Variants in TMEM131 observed in about 807,000 individuals in gnomAD.
TMEM131 encodes 2610524E03Rik.
A neutral mutation model predicts 211.6 loss-of-function variants in TMEM131; 66 were observed. That is an observed-to-expected ratio of 0.31 (90% CI 0.26 to 0.38). The LOEUF is 0.38. TMEM131 is among the 10% of genes least tolerant of loss of function. TMEM131 has a pLI of 1.00. For missense variants in TMEM131, 2,036 were observed against 2,299.3 expected (o/e 0.89, Z 2.34); for synonymous variants, 844 against 841.3 (o/e 1.00, Z -0.06).
chr2:97,793,981 G>A (rs201935903), intron 29 of TMEM131, among the ~76,000 whole-genome samples: 62 of 95,078 alleles, frequency 6.5e-4, no homozygotes, highest in South Asian at 2.6e-3. Flanking sequence ...GCAACAGAGC[G>A]AGACTCTGTC....
intron 7 of TMEM131, among the ~76,000 whole-genome samples, chr2:97,838,905 TTAA>T (rs762252553): frequency 6.6e-6 from 1 of 152,232 alleles, no homozygotes; most frequent in Non-Finnish European, 1.5e-5. Context: ...GCTTATTGTG[TTAA>T]TAATAATAGC....
intron 4 of TMEM131, among the ~76,000 whole-genome samples, chr2:97,885,138 T>C (rs920729068): frequency 6.6e-6 from 1 of 152,262 alleles, no homozygotes; most frequent in Admixed American, 6.5e-5. Flanking sequence ...AAGAGTCCCT[T>C]AAGCATTTCT....
chr2:97,796,821 T>G, intron 27 of TMEM131, 23 bp downstream of exon 27: 1 of 1,605,460 alleles, frequency 6.2e-7, no homozygotes, highest in African/African-American at 1.3e-5. Flanking sequence ...ATTAGTGTCC[T>G]TGAAACTGTT....
chr2:97,816,618 T>A (rs1331717309), intron 12 of TMEM131, among the ~76,000 whole-genome samples: 3 of 152,194 alleles, frequency 2.0e-5, no homozygotes, highest in Admixed American at 6.5e-5. Context: ...CTTTCCATTT[T>A]AAAAATTCCC....
Position 97,995,819 on chromosome 2 carries a change from C to T in TMEM131, c.-157G>A. The T allele has an allele frequency of 2.9e-6, 1 of 344,276 alleles. No individual in the cohort carries two copies. 21.3% of individuals were successfully genotyped at this position (344,276 alleles called of 1,614,324 possible). ...CGATCTCCGAGCGTGGGCCTGGGTCCGTGCGTGCGTGTGAGCGAGAGTGTC... is the reference window on the plus strand; with the variant it reads ...CGATCTCCGAGCGTGGGCCTGGGTCTGTGCGTGCGTGTGAGCGAGAGTGTC... On this transcript the variant is annotated 5_prime_UTR_variant, in exon 1 of 41. Transcript: ENST00000186436.
intron 1 of TMEM131, among the ~76,000 whole-genome samples, chr2:97,976,650 T>A (rs1383474700): frequency 1.3e-5 from 2 of 152,160 alleles, no homozygotes; most frequent in African/African-American, 4.8e-5. Flanking sequence ...TACAAATTGA[T>A]AAGCTGATTC....
chr2:97,821,474 T>A (rs1369749795), intron 11 of TMEM131, among the ~76,000 whole-genome samples: 1 of 152,210 alleles, frequency 6.6e-6, no homozygotes, highest in East Asian at 1.9e-4. Context: ...AGCTTTGTTC[T>A]TTCACTCTTC....
intron 31 of TMEM131, among the ~76,000 whole-genome samples, chr2:97,790,897 C>A (rs1293510020): frequency 6.6e-6 from 1 of 152,150 alleles, no homozygotes; most frequent in East Asian, 1.9e-4. Context: ...CAAGAGAACT[C>A]AATAGAGCTA....
chr2:97,919,940 T>C (rs898273660), intron 2 of TMEM131, among the ~76,000 whole-genome samples: 4 of 152,248 alleles, frequency 2.6e-5, no homozygotes, highest in Non-Finnish European at 4.4e-5. Context: ...TGGCATTCAG[T>C]TGTGAAAAAC....
chr2:97,842,540 AGAGT>A (rs1178364218), intron 6 of TMEM131, among the ~76,000 whole-genome samples: 4 of 152,102 alleles, frequency 2.6e-5, no homozygotes, highest in Non-Finnish European at 5.9e-5. Context: ...CCTCTGCCAG[AGAGT>A]GAGTAACAGA....
intron 12 of TMEM131, among the ~76,000 whole-genome samples, chr2:97,815,619 C>T (rs564506720): frequency 2.4e-4 from 36 of 152,300 alleles, no homozygotes; most frequent in Admixed American, 5.2e-4. Context: ...CAGAATTTCT[C>T]ATCCTTGGCA....
At chr2:97,811,296 A>G in intron 17 of TMEM131, 64 bp from the exon 18 acceptor site, 1 of 1,211,348 alleles carries the variant, frequency 8.3e-7, no homozygotes, top group Non-Finnish European at 1.2e-6. Flanking sequence ...ATTAAAATGG[A>G]CATGAAGGGT....
At chr2:97,835,145 T>C (rs997257715) in intron 8 of TMEM131, among the ~76,000 whole-genome samples, 9 of 152,202 alleles carry the variant, frequency 5.9e-5, no homozygotes, top group Admixed American at 3.3e-4. Context: ...AAATACGATA[T>C]GTAAGGTAGG....
Position 97,888,107 on chromosome 2 carries a change from G to T in TMEM131, c.304C>A (p.Arg102=). 1 of 1,612,950 alleles carries T rather than the reference G, an allele frequency of 6.2e-7. No individual in the cohort carries two copies. Among genetic ancestry groups the T allele is most frequent in the Non-Finnish European group, 8.5e-7 (1 of 1,179,196 alleles). The part of the protein sequence containing the change: ...SYQQKSISLY[R]GNCRPIRFEP... ...AATCGTATGGGCCTGCAATTCCCCC[G>T]GTAGAGAGATATACTGTAAATAAAA... The change falls in exon 4 of 41, where the codon CGG becomes AGG. Residue 102 remains arginine (R), a synonymous_variant. Transcript: ENST00000186436.
intron 4 of TMEM131, among the ~76,000 whole-genome samples, chr2:97,872,548 A>G (rs1674531815): frequency 6.6e-6 from 1 of 152,050 alleles, no homozygotes; most frequent in Admixed American, 6.6e-5. Flanking sequence ...GGTGACTTCT[A>G]CATTTCCAAC....
In TMEM131 at chr2:97,814,051, G is replaced by C; in HGVS notation, c.1537C>G (p.His513Asp). 1 of 1,601,944 alleles carries C rather than the reference G, an allele frequency of 6.2e-7. No individual in the cohort carries two copies. Among genetic ancestry groups the C allele is most frequent in the Non-Finnish European group, 8.5e-7 (1 of 1,173,098 alleles). Residue 513 changes from histidine (H) to aspartate (D), a missense_variant, in exon 15 of 41, where the codon CAC becomes GAC. Coordinates refer to ENST00000186436, the MANE Select transcript of TMEM131 (RefSeq NM_015348.2). ...ATAAGTAAAATGTTGTTATCAATGT[G>C]CATGGATGATGTGGAAGGCATAAAA... ...LLFMPSTSSM[H>D]IDNNILLITN...
chr2:97,846,907 G>A (rs1025246481), intron 5 of TMEM131, among the ~76,000 whole-genome samples: 7 of 152,120 alleles, frequency 4.6e-5, no homozygotes, highest in African/African-American at 1.2e-4. Flanking sequence ...GAGGGCCGGC[G>A]CGGTGGCTCA....
chr2:97,828,956 A>G (rs1474326861), intron 11 of TMEM131, among the ~76,000 whole-genome samples: 2 of 152,130 alleles, frequency 1.3e-5, no homozygotes, highest in African/African-American at 4.8e-5. Flanking sequence ...CAAGCTACAG[A>G]TGGTCTTACA....
At chr2:97,930,562 TA>T (rs1183535316) in intron 1 of TMEM131, among the ~76,000 whole-genome samples, 5 of 151,686 alleles carry the variant, frequency 3.3e-5, no homozygotes, top group Non-Finnish European at 2.9e-5. Flanking sequence ...TTAAAAGATG[TA>T]GAGATAAATA....
Sources: gnomAD v4.1 joint callset for allele counts (sites outside exome capture counted in the v4.1 genomes callset) on GRCh38, gnomAD v4.1.1 for gene constraint, MANE v1.5 for transcripts, NCBI Gene and HGNC (gene_info 2026-07-23, HGNC 2026-07-21) for gene names.